SIK3: variants seen among roughly 807,000 people sequenced by gnomAD.
SIK3 encodes SIK family kinase 3, also known as serine/threonine-protein kinase SIK3.
Under a neutral mutation model 144.2 loss-of-function variants are expected in SIK3, and 28 were observed. That is an observed-to-expected ratio of 0.19 (90% CI 0.14 to 0.27). The LOEUF is 0.27. SIK3 is among the 10% of genes least tolerant of loss of function. The pLI is 1.00. For missense variants in SIK3, 1,319 were observed against 1,776.0 expected, an observed-to-expected ratio of 0.74 and a Z score of 4.62; for synonymous variants, 686 against 676.3, an observed-to-expected ratio of 1.01 and a Z score of -0.22.
At chr11:117,003,946 TA>T (rs1262595027) in intron 1 of SIK3, among the ~76,000 whole-genome samples, 1 of 152,224 alleles carries the variant, frequency 6.6e-6, no homozygotes, top group Non-Finnish European at 1.5e-5. Context: ...ATCCATGTGC[TA>T]CTGCTGCCTT....
chr11:117,076,910 C>T (rs940505457), intron 1 of SIK3, among the ~76,000 whole-genome samples: 18 of 152,252 alleles, frequency 1.2e-4, no homozygotes, highest in Middle Eastern at 6.8e-3. Flanking sequence ...AATTCCAGTG[C>T]TTTGGAAGGC....
chr11:116,865,411 C>T (rs1018551954), intron 15 of SIK3, among the ~76,000 whole-genome samples: 1 of 152,122 alleles, frequency 6.6e-6, no homozygotes, highest in South Asian at 2.1e-4. Flanking sequence ...CTCAGAGGAA[C>T]GGTTCTGATG....
chr11:117,036,088 T>TA (rs1301880683), intron 1 of SIK3: 3 of 782,404 alleles, frequency 3.8e-6, no homozygotes, highest in Non-Finnish European at 5.9e-6. Context: ...CCGGAAAGGT[T>TA]AATTTTTTTT....
intron 4 of SIK3, among the ~76,000 whole-genome samples, chr11:116,907,964 G>C (rs1044208306): frequency 4.8e-5 from 7 of 145,094 alleles, no homozygotes; most frequent in Non-Finnish European, 1.1e-4. Flanking sequence ...TAATGTGAAA[G>C]GTAAAACTAT....
intron 4 of SIK3, among the ~76,000 whole-genome samples, chr11:116,898,789 G>C (rs1945571660): frequency 6.6e-6 from 1 of 151,976 alleles, no homozygotes; most frequent in South Asian, 2.1e-4. Flanking sequence ...AGAAGTGTCT[G>C]TTCATGTCCT....
chr11:117,047,609 C>T (rs1953027925), intron 1 of SIK3, among the ~76,000 whole-genome samples: 1 of 152,136 alleles, frequency 6.6e-6, no homozygotes, highest in Non-Finnish European at 1.5e-5. Context: ...AAGCACCAGA[C>T]TTGGTTCATT....
At chr11:117,061,346 C>T (rs1454038059) in intron 1 of SIK3, among the ~76,000 whole-genome samples, 2 of 152,022 alleles carry the variant, frequency 1.3e-5, no homozygotes, top group East Asian at 1.9e-4. Flanking sequence ...TGTGTGTGAG[C>T]GAACACGCAT....
intron 1 of SIK3, among the ~76,000 whole-genome samples, chr11:117,069,652 T>C (rs1954178829): frequency 6.6e-6 from 1 of 152,216 alleles, no homozygotes; most frequent in South Asian, 2.1e-4. Context: ...AATTTTTAAG[T>C]GTAGGCAAAA....
chr11:116,938,294 G>A (rs866599926), intron 3 of SIK3, among the ~76,000 whole-genome samples: 2 of 76,798 alleles, frequency 2.6e-5, no homozygotes, highest in African/African-American at 7.5e-5. Flanking sequence ...GGAGAGGAGA[G>A]GAGAGGAGAA....
chr11:116,998,477 A>T (rs1950745336), intron 1 of SIK3, among the ~76,000 whole-genome samples: 1 of 151,904 alleles, frequency 6.6e-6, no homozygotes, highest in South Asian at 2.1e-4. Context: ...TCTTAAAAAA[A>T]AAAAAAAAAA....
intron 6 of SIK3, among the ~76,000 whole-genome samples, chr11:116,882,741 T>C (rs956316804): frequency 1.3e-5 from 2 of 152,158 alleles, no homozygotes; most frequent in African/African-American, 4.8e-5. Flanking sequence ...CAGTCAATGG[T>C]AGGTGTGTTC....
At chr11:116,901,352 C>T (rs574621865) in intron 4 of SIK3, among the ~76,000 whole-genome samples, 30 of 152,286 alleles carry the variant, frequency 2.0e-4, no homozygotes, top group African/African-American at 7.2e-4. Flanking sequence ...CACCTCCTGA[C>T]TACTGGAGAC....
At chr11:117,064,300 T>C (rs1257205666) in intron 1 of SIK3, among the ~76,000 whole-genome samples, 8 of 152,160 alleles carry the variant, frequency 5.3e-5, no homozygotes, top group Admixed American at 5.2e-4. Context: ...AACATCACAA[T>C]TCCTATACCC....
chr11:116,877,083 G>A (rs1944296111), intron 6 of SIK3, 41 bp from the exon 7 acceptor site: 3 of 1,562,962 alleles, frequency 1.9e-6, no homozygotes, highest in Non-Finnish European at 2.6e-6. Flanking sequence ...TCTGGTGAGG[G>A]GAGGCACCAG....
intron 4 of SIK3, among the ~76,000 whole-genome samples, chr11:116,910,940 G>A (rs1946308364): frequency 6.6e-6 from 1 of 152,204 alleles, no homozygotes; most frequent in South Asian, 2.1e-4. Context: ...AAGAAAAAGT[G>A]AGGATTGTGC....
At chr11:116,964,562 G>T (rs563421622) in intron 1 of SIK3, among the ~76,000 whole-genome samples, 2 of 152,214 alleles carry the variant, frequency 1.3e-5, no homozygotes, top group East Asian at 1.9e-4. Context: ...AAACTCCACA[G>T]AAAGTGGTTA....
intron 1 of SIK3, among the ~76,000 whole-genome samples, chr11:117,078,078 A>G (rs1954629107): frequency 6.6e-6 from 1 of 152,232 alleles, no homozygotes; most frequent in Non-Finnish European, 1.5e-5. Flanking sequence ...GAAAGCAAGG[A>G]TTTTATCACA....
intron 1 of SIK3, among the ~76,000 whole-genome samples, chr11:116,960,188 T>C (rs989253606): frequency 2.6e-5 from 4 of 152,184 alleles, no homozygotes; most frequent in East Asian, 1.9e-4. Flanking sequence ...ATCAAACTCC[T>C]GTCTACTCTT....
intron 21 of SIK3, among the ~76,000 whole-genome samples, chr11:116,855,101 A>C (rs905730624): frequency 1.4e-5 from 2 of 146,650 alleles, no homozygotes; most frequent in African/African-American, 5.0e-5. Flanking sequence ...AAAAAAAAAA[A>C]AAAAAAAACT....
Sources: allele counts gnomAD v4.1 joint callset (sites outside exome capture counted in the v4.1 genomes callset), GRCh38; gene constraint gnomAD v4.1.1; transcripts MANE v1.5; gene names NCBI Gene and HGNC (gene_info 2026-07-23, HGNC 2026-07-21).